TMEM135: variants seen among roughly 807,000 people sequenced by gnomAD.
TMEM135 encodes the protein peroxisomal membrane protein 52.
TMEM135 carries 30 observed loss-of-function variants against 60.3 expected under a neutral mutation model. The observed-to-expected ratio is 0.50, with a 90% confidence interval of 0.37 to 0.68. TMEM135 has a LOEUF of 0.68. Ranked by LOEUF, TMEM135 falls within the 30% of genes least tolerant of loss-of-function variation. TMEM135 has a pLI of 0.00. For synonymous variants in TMEM135, 190 were observed against 186.7 expected, an observed-to-expected ratio of 1.02 and a Z score of -0.14; for missense variants, 468 against 548.8, an observed-to-expected ratio of 0.85 and a Z score of 1.47.
intron 5 of TMEM135, among the ~76,000 whole-genome samples, chr11:87,177,042 T>G (rs1419383402): frequency 1.3e-5 from 2 of 152,152 alleles, no homozygotes; most frequent in Non-Finnish European, 2.9e-5. Context: ...AGTAATGGAT[T>G]GTAAAATCAT....
chr11:87,173,579 C>T (rs1939295473), intron 5 of TMEM135, among the ~76,000 whole-genome samples: 1 of 152,134 alleles, frequency 6.6e-6, no homozygotes, highest in East Asian at 1.9e-4. Flanking sequence ...GTCTGTAAGG[C>T]AGCTAGCACA....
chr11:87,285,769 T>C (rs138059942), intron 6 of TMEM135, among the ~76,000 whole-genome samples: 4 of 152,180 alleles, frequency 2.6e-5, no homozygotes, highest in Admixed American at 2.6e-4. Flanking sequence ...GGCAGCTTGC[T>C]TTTTTCCCCT....
At chr11:87,255,390 G>A (rs1219169364) in intron 6 of TMEM135, among the ~76,000 whole-genome samples, 2 of 152,192 alleles carry the variant, frequency 1.3e-5, no homozygotes, top group African/African-American at 4.8e-5. Context: ...GATGAATGAA[G>A]CCAAACAAGG....
chr11:87,324,681 T>G lies in TMEM135; in HGVS notation c.*3348T>G, dbSNP rs1245701008. 1 of 453,746 alleles carries G rather than the reference T, an allele frequency of 2.2e-6. No individual in the cohort carries two copies. Among genetic ancestry groups the G allele is most frequent in the Admixed American group, 2.4e-5 (1 of 42,532 alleles). The allele number at this position is 453,746 out of a possible 1,614,324, so 28.1% of individuals were successfully genotyped here. A position where few individuals can be genotyped will look rare whatever the true frequency, so the allele number is the denominator to read the frequency against. On this transcript the variant is annotated 3_prime_UTR_variant, in exon 15 of 15. Transcript: ENST00000305494. ...CCTGGCCTCAAGTGATCCTCTTGGG[T>G]TGGCCTCCCGGGACTCTGGGATTCC...
At chr11:87,187,828 A>C (rs1047077771) in intron 5 of TMEM135, among the ~76,000 whole-genome samples, 6 of 152,182 alleles carry the variant, frequency 3.9e-5, no homozygotes, top group African/African-American at 1.2e-4. Context: ...AAATAAGCAA[A>C]ATCAGATTCT....
At chr11:87,097,031 C>T (rs1338432943) in intron 4 of TMEM135, among the ~76,000 whole-genome samples, 1 of 149,766 alleles carries the variant, frequency 6.7e-6, no homozygotes, top group Non-Finnish European at 1.5e-5. Context: ...GGGTCTGGCT[C>T]TGTCACCCAG....
At chr11:87,217,500 T>C (rs911791754) in intron 5 of TMEM135, among the ~76,000 whole-genome samples, 1 of 152,064 alleles carries the variant, frequency 6.6e-6, no homozygotes, top group Non-Finnish European at 1.5e-5. Flanking sequence ...AAAAAGGGAT[T>C]TGGGGCCGGG....
At chr11:87,061,250 C>A (rs1001229714) in intron 1 of TMEM135, among the ~76,000 whole-genome samples, 3 of 152,100 alleles carry the variant, frequency 2.0e-5, no homozygotes, top group Non-Finnish European at 4.4e-5. Flanking sequence ...CAATAAGGGG[C>A]ACAATCTTAC....
chr11:87,197,655 CA>C (rs59258347), intron 5 of TMEM135, among the ~76,000 whole-genome samples: 7 of 145,636 alleles, frequency 4.8e-5, no homozygotes, highest in Admixed American at 1.4e-4. Flanking sequence ...TGTAGCTTAG[CA>C]AAAAAAAAAT....
intron 8 of TMEM135, 81 bp downstream of exon 8, chr11:87,302,523 TTTCTA>T: frequency 6.4e-7 from 1 of 1,570,864 alleles, no homozygotes; most frequent in South Asian, 1.1e-5. Flanking sequence ...TTATTTTTGT[TTTCTA>T]TTCAGGTAAT....
chr11:87,115,632 C>G (rs1259367452), intron 4 of TMEM135, among the ~76,000 whole-genome samples: 3 of 152,078 alleles, frequency 2.0e-5, no homozygotes, highest in Admixed American at 6.5e-5. Context: ...TGATTTTAGA[C>G]AGCTAAATTT....
At position 87,327,515 on chromosome 11, in the gene TMEM135, G is replaced by A. The variant is rs541095617; in HGVS notation, c.*6182G>A. 12 of 453,766 alleles carry A rather than the reference G, an allele frequency of 2.6e-5. No individual in the cohort carries two copies. The highest frequency in any genetic ancestry group is 1.9e-4 in the South Asian group (12 of 64,406). The allele number at this position is 453,766 out of a possible 1,614,324, so 28.1% of individuals were successfully genotyped here. ...TTTCCCAGAGAGGCAGAACAATAGG[G>A]ATAGAGAGATACATAGAGAGAGATA... On this transcript the variant is annotated 3_prime_UTR_variant, in exon 15 of 15. Transcript: ENST00000305494.
chr11:87,213,941 G>T (rs936053717), intron 5 of TMEM135, among the ~76,000 whole-genome samples: 1 of 152,172 alleles, frequency 6.6e-6, no homozygotes, highest in Non-Finnish European at 1.5e-5. Flanking sequence ...TAGAAAATAT[G>T]TATATAAGTG....
At position 87,300,541 on chromosome 11, in the gene TMEM135, T is replaced by G. The variant is rs923692473; in HGVS notation, c.552-1755T>G. ...CAACTCTCGTGGGAATTGTGACACC[T>G]ATAGTATTGTTGTGAGGATTACATG... On this transcript the variant is annotated intron_variant, in intron 7 of 14. Transcript: ENST00000305494. Among the ~76,000 whole-genome samples, 4 of 152,352 alleles carry G rather than the reference T, an allele frequency of 2.6e-5. No homozygotes were observed. The South Asian group carries it at 8.3e-4, about 32-fold the overall frequency.
intron 5 of TMEM135, among the ~76,000 whole-genome samples, chr11:87,165,917 G>A (rs752163204): frequency 3.1e-4 from 47 of 150,658 alleles, no homozygotes; most frequent in Non-Finnish European, 5.7e-4. Flanking sequence ...TATCACCACC[G>A]ATCCCACAGA....
At chr11:87,188,604 T>C (rs142150142) in intron 5 of TMEM135, among the ~76,000 whole-genome samples, 5,649 of 151,648 alleles carry the variant, frequency 0.037, 308 homozygotes, top group African/African-American at 0.12. Flanking sequence ...CTCAGGAGGC[T>C]GAGGCAGGAG....
In TMEM135 at chr11:87,324,413, T is replaced by C. The variant is rs1565173937; in HGVS notation, c.*3080T>C. 2.2e-6 allele frequency: 1 copy of C among 453,846 alleles called. No individual in the cohort carries two copies. Among genetic ancestry groups the C allele is most frequent in the African/African-American group, 2.0e-5 (1 of 49,974 alleles). 28.1% of individuals were successfully genotyped at this position (453,846 alleles called of 1,614,324 possible). On this transcript the variant is annotated 3_prime_UTR_variant, in exon 15 of 15. Coordinates refer to ENST00000305494, the MANE Select transcript of TMEM135 (RefSeq NM_022918.4). ...ATTAGCCCAGAGATTCCTTAAATTC[T>C]CCGTGTGATTTATTTTTTTATTTTT...
intron 5 of TMEM135, among the ~76,000 whole-genome samples, chr11:87,173,087 T>A (rs1294806619): frequency 6.6e-6 from 1 of 152,118 alleles, no homozygotes; most frequent in Non-Finnish European, 1.5e-5. Context: ...ATTTTTAATG[T>A]TGCATCTATT....
chr11:87,312,447 A>G (rs577352876), intron 10 of TMEM135, among the ~76,000 whole-genome samples: 1 of 151,942 alleles, frequency 6.6e-6, no homozygotes, highest in African/African-American at 2.4e-5. Context: ...TATATGTTAT[A>G]TACTCCACGA....
Sources: allele counts gnomAD v4.1 joint callset (sites outside exome capture counted in the v4.1 genomes callset), GRCh38; gene constraint gnomAD v4.1.1; transcripts MANE v1.5; gene names NCBI Gene and HGNC (gene_info 2026-07-23, HGNC 2026-07-21).